Variants in DAAM1 observed in about 807,000 individuals in gnomAD.
DAAM1 encodes disheveled-associated activator of morphogenesis 1.
Under a neutral mutation model 130.0 loss-of-function variants are expected in DAAM1, and 52 were observed. That is an observed-to-expected ratio of 0.40 (90% CI 0.32 to 0.50). The LOEUF is 0.50. Ranked by LOEUF, DAAM1 falls within the 20% of genes least tolerant of loss-of-function variation. The pLI, the probability that DAAM1 is intolerant of heterozygous loss-of-function variation, is 0.61. For synonymous variants in DAAM1, 452 were observed against 444.5 expected, an observed-to-expected ratio of 1.02 and a Z score of -0.21; for missense variants, 1,134 against 1,303.8, an observed-to-expected ratio of 0.87 and a Z score of 2.01.
rs775369998 is a variant in DAAM1 at position 59,371,320 on chromosome 14, GAAAA to G, written c.*2467_*2470del. 9.2e-4 allele frequency: 139 copies of G among 150,472 alleles called. No individual in the cohort carries two copies. Among genetic ancestry groups the G allele is most frequent in the Middle Eastern group, 3.4e-3 (1 of 290 alleles). The allele number at this position is 150,472 out of a possible 1,614,324, so 9.3% of individuals were successfully genotyped here. A position where few individuals can be genotyped will look rare whatever the true frequency, so the allele number is the denominator to read the frequency against. On this transcript the variant is annotated 3_prime_UTR_variant, in exon 25 of 25. Coordinates refer to ENST00000360909, the MANE Select transcript of DAAM1 (RefSeq NM_001270520.2). Reference sequence around the variant, plus strand: ...CAAGACTGTTGTTAGATAGTACTGAGAAAAAAAAAGTATGTGTTATGAGACTGTA... The same window carrying G: ...CAAGACTGTTGTTAGATAGTACTGAGAAAAAGTATGTGTTATGAGACTGTA...
chr14:59,311,433 C>T (rs1052048529), intron 3 of DAAM1, among the ~76,000 whole-genome samples: 3 of 151,880 alleles, frequency 2.0e-5, no homozygotes, highest in Non-Finnish European at 2.9e-5. Flanking sequence ...TCACCCCAAA[C>T]GTCAAACAAA....
chr14:59,243,021 A>T (rs139924524), intron 1 of DAAM1, among the ~76,000 whole-genome samples: 148 of 152,256 alleles, frequency 9.7e-4, no homozygotes, highest in African/African-American at 3.4e-3. Context: ...ACAATAAGGG[A>T]TGGTATTTTT....
chr14:59,227,690 A>G (rs990053011), intron 1 of DAAM1, among the ~76,000 whole-genome samples: 1 of 152,178 alleles, frequency 6.6e-6, no homozygotes, highest in Non-Finnish European at 1.5e-5. Context: ...GAACATGATT[A>G]GGAGAAGCTG....
chr14:59,299,750 G>A (rs1884098985), intron 3 of DAAM1: 1 of 152,222 alleles, frequency 6.6e-6, no homozygotes, highest in South Asian at 2.1e-4. Context: ...TTCTAGGGCA[G>A]TGGTGAACAA....
At chr14:59,294,193 A>C (rs977904574) in intron 3 of DAAM1, among the ~76,000 whole-genome samples, 8 of 152,210 alleles carry the variant, frequency 5.3e-5, no homozygotes, top group Admixed American at 6.5e-5. Flanking sequence ...AATGAACAGA[A>C]GTTGTGAAGG....
intron 1 of DAAM1, among the ~76,000 whole-genome samples, chr14:59,190,026 C>A (rs964080096): frequency 1.3e-5 from 2 of 152,100 alleles, no homozygotes; most frequent in African/African-American, 4.8e-5. Flanking sequence ...AAGATGAATC[C>A]CGTTGCCATG....
At chr14:59,236,175 G>A (rs978479782) in intron 1 of DAAM1, among the ~76,000 whole-genome samples, 3 of 151,796 alleles carry the variant, frequency 2.0e-5, no homozygotes, top group Non-Finnish European at 4.4e-5. Flanking sequence ...GTTCTTTCCT[G>A]AGCTGCTAGG....
At position 59,363,788 on chromosome 14, in the gene DAAM1, T is replaced by G; in HGVS notation, c.2826+6T>G. 6.2e-7 allele frequency: 1 copy of G among 1,613,402 alleles called. No homozygotes were observed. Among genetic ancestry groups the G allele is most frequent in the Non-Finnish European group, 8.5e-7 (1 of 1,179,860 alleles). ...TAGCAGAAGCTAAAGACCTGGTAAG[T>G]TTCCCCCTTGTGCACTGAGTGTTGT... On this transcript the variant is annotated splice_donor_region_variant and intron_variant, in intron 23 of 24. Coordinates refer to ENST00000360909, the MANE Select transcript of DAAM1 (RefSeq NM_001270520.2).
chr14:59,223,687 C>T (rs979654518), intron 1 of DAAM1, among the ~76,000 whole-genome samples: 4 of 152,184 alleles, frequency 2.6e-5, no homozygotes, highest in African/African-American at 9.7e-5. Context: ...GTAACACGCC[C>T]AAATGCAGAA....
chr14:59,287,872 A>C (rs989723005), intron 2 of DAAM1, among the ~76,000 whole-genome samples: 1 of 152,228 alleles, frequency 6.6e-6, no homozygotes, highest in African/African-American at 2.4e-5. Context: ...AGTCAATGCT[A>C]TTCCTGTCAA....
At chr14:59,209,419 G>GT (rs1888361791) in intron 1 of DAAM1, among the ~76,000 whole-genome samples, 2 of 152,014 alleles carry the variant, frequency 1.3e-5, no homozygotes, top group African/African-American at 4.8e-5. Flanking sequence ...CGTAATTTTC[G>GT]TTTTTCTAAA....
chr14:59,258,300 G>A (rs943343514), intron 1 of DAAM1, among the ~76,000 whole-genome samples: 1 of 152,204 alleles, frequency 6.6e-6, no homozygotes, highest in Non-Finnish European at 1.5e-5. Context: ...AATCAAGTGT[G>A]TTTGGGCATG....
At chr14:59,318,601 A>G (rs1884882871) in intron 4 of DAAM1, among the ~76,000 whole-genome samples, 1 of 152,080 alleles carries the variant, frequency 6.6e-6, no homozygotes, top group African/African-American at 2.4e-5. Context: ...TAAACTTTGT[A>G]GAAATTATTT....
chr14:59,324,256 A>G lies in DAAM1; in HGVS notation c.885+18A>G. 1 of 1,398,134 alleles carries G rather than the reference A, an allele frequency of 7.2e-7. No individual in the cohort carries two copies. Among genetic ancestry groups the G allele is most frequent in the Non-Finnish European group, 9.4e-7 (1 of 1,065,500 alleles). 86.6% of individuals were successfully genotyped at this position (1,398,134 alleles called of 1,614,324 possible). A position where few individuals can be genotyped will look rare whatever the true frequency, so the allele number is the denominator to read the frequency against. On this transcript the variant is annotated intron_variant, in intron 7 of 24. Transcript: ENST00000360909. ...CAGGAGTGGTAAGAACCTTCTACAAATTAAAAATATATTAGTAAATAATAA... is the reference window on the plus strand; with the variant it reads ...CAGGAGTGGTAAGAACCTTCTACAAGTTAAAAATATATTAGTAAATAATAA...
At chr14:59,263,417 C>G in intron 1 of DAAM1, 24 bp from the exon 2 acceptor site, 4 of 1,595,940 alleles carry the variant, frequency 2.5e-6, no homozygotes, top group Non-Finnish European at 2.6e-6. Context: ...GTACTCTTAA[C>G]CATGTCATAT....
chr14:59,217,539 A>T (rs781498478), intron 1 of DAAM1, among the ~76,000 whole-genome samples: 1 of 152,126 alleles, frequency 6.6e-6, no homozygotes, highest in Non-Finnish European at 1.5e-5. Context: ...TTAAATTATA[A>T]TTAATTAAAG....
At chr14:59,330,726 G>A (rs780201339) in intron 13 of DAAM1, 38 bp downstream of exon 13, 4 of 1,559,218 alleles carry the variant, frequency 2.6e-6, no homozygotes, top group Non-Finnish European at 3.5e-6. Context: ...AGCTGCCAAG[G>A]CCTCACTGAC....
chr14:59,338,328 G>T, intron 15 of DAAM1: 3 of 1,579,472 alleles, frequency 1.9e-6, no homozygotes, highest in South Asian at 2.2e-5. Context: ...TTGTTGCTGT[G>T]ACTTCTGAAC....
rs1280770474 is a variant in DAAM1, at chr14:59,263,484, C to T, written c.7C>T (p.Pro3Ser). The T allele has an allele frequency of 1.9e-6, 3 of 1,614,034 alleles. No homozygotes were observed. The highest frequency in any genetic ancestry group is 2.5e-6 in the Non-Finnish European group (3 of 1,180,024). The change falls in exon 2 of 25, where the codon CCA (proline) becomes TCA (serine). Residue 3 changes from proline (P) to serine (S), a missense_variant. Physicochemically the swap from Pro to Ser is moderately conservative, Grantham distance 74. Around this residue, in one of 3 missense-constraint regions of DAAM1, gnomAD observed 99 missense variants for 86.4 expected, o/e 1.15. Transcript: ENST00000360909. ...AATAGAACAGAATTCAGCCATGGCC[C>T]CAAGAAAGAGAGGTGGACGAGGTAT... The part of the protein sequence containing the change: MA[P>S]RKRGGRGISF...
Sources: allele counts gnomAD v4.1 joint callset (sites outside exome capture counted in the v4.1 genomes callset), GRCh38; gene constraint gnomAD v4.1.1; regional missense constraint gnomAD v4.1.1; transcripts MANE v1.5; gene names NCBI Gene and HGNC (gene_info 2026-07-23, HGNC 2026-07-21).